ACTN2: variants seen among roughly 807,000 people sequenced by gnomAD.
ACTN2 encodes alpha-actinin-2.
A neutral mutation model predicts 113.8 loss-of-function variants in ACTN2; 39 were observed. That is an observed-to-expected ratio of 0.34 (90% CI 0.27 to 0.45). The LOEUF (loss-of-function observed/expected upper bound fraction) is 0.45, where lower values mean the gene tolerates loss of function less well. ACTN2 is among the 20% of genes least tolerant of loss of function. ACTN2 has a pLI of 1.00. For synonymous variants in ACTN2, 429 were observed against 444.1 expected, an observed-to-expected ratio of 0.97 and a Z score of 0.43; for missense variants, 992 against 1,177.9, an observed-to-expected ratio of 0.84 and a Z score of 2.31.
intron 1 of ACTN2, among the ~76,000 whole-genome samples, chr1:236,711,233 A>G (rs897506934): frequency 3.9e-5 from 6 of 152,272 alleles, no homozygotes; most frequent in Admixed American, 3.3e-4. Flanking sequence ...TGTCTAAGGA[A>G]TATACATAGT....
At chr1:236,723,347 A>G (rs930859201) in intron 4 of ACTN2, among the ~76,000 whole-genome samples, 1 of 152,344 alleles carries the variant, frequency 6.6e-6, no homozygotes, top group Non-Finnish European at 1.5e-5. Context: ...TAATTAAAAG[A>G]CATGCACAGG....
chr1:236,704,771 T>C (rs1054620456), intron 1 of ACTN2, among the ~76,000 whole-genome samples: 1 of 152,120 alleles, frequency 6.6e-6, no homozygotes, highest in Non-Finnish European at 1.5e-5. Flanking sequence ...CTCTCCAAAC[T>C]CCATCCTCGT....
intron 14 of ACTN2, among the ~76,000 whole-genome samples, chr1:236,750,489 ACT>A (rs1310806021): frequency 2.0e-5 from 3 of 152,096 alleles, no homozygotes; most frequent in Non-Finnish European, 2.9e-5. Flanking sequence ...TGGAAGTCAC[ACT>A]CTTTGTCAAA....
intron 18 of ACTN2, among the ~76,000 whole-genome samples, chr1:236,757,885 A>G (rs1338556471): frequency 2.0e-5 from 3 of 152,202 alleles, no homozygotes; most frequent in Non-Finnish European, 4.4e-5. Context: ...AGTTGACATC[A>G]AAGCTGATTT....
chr1:236,707,485 A>G (rs753207402), intron 1 of ACTN2, among the ~76,000 whole-genome samples: 8 of 152,112 alleles, frequency 5.3e-5, no homozygotes, highest in Non-Finnish European at 8.8e-5. Context: ...CCTGAGTAAG[A>G]TTTTAGAATG....
At chr1:236,707,970 C>A (rs553111244) in intron 1 of ACTN2, among the ~76,000 whole-genome samples, 6 of 152,132 alleles carry the variant, frequency 3.9e-5, no homozygotes, top group African/African-American at 1.4e-4. Flanking sequence ...CTCGGCCTCT[C>A]AAAGTGCTGG....
In ACTN2 at chr1:236,720,235, G is replaced by A. The variant is rs1383075527; in HGVS notation, c.448+44G>A. 1.5e-5 allele frequency: 22 copies of A among 1,457,768 alleles called. No homozygotes were observed. In the East Asian group the frequency reaches 4.8e-4, roughly 32 times the overall value. The allele number at this position is 1,457,768 out of a possible 1,614,324, so 90.3% of individuals were successfully genotyped here. A position where few individuals can be genotyped will look rare whatever the true frequency, so the allele number is the denominator to read the frequency against. On this transcript the variant is annotated intron_variant, in intron 4 of 20. Transcript: ENST00000366578. ...AGTCTAATTGTATAATCTGTAAATT[G>A]AGCTTGTGAATTAAAATTTGAGCAA...
Position 236,735,683 on chromosome 1 carries a change from T to C in ACTN2, c.746T>C (p.Val249Ala), listed in dbSNP as rs1413199025. 6.2e-7 allele frequency: 1 copy of C among 1,614,090 alleles called. No homozygotes were observed. The highest frequency in any genetic ancestry group is 8.5e-7 in the Non-Finnish European group (1 of 1,180,048). The part of the protein sequence containing the change: ...KPDERAIMTY[V>A]SCFYHAFAGA... ...GATGAAAGAGCCATCATGACGTACGTCTCTTGCTTCTACCACGCTTTTGCG... is the reference window on the plus strand; with the variant it reads ...GATGAAAGAGCCATCATGACGTACGCCTCTTGCTTCTACCACGCTTTTGCG... The change falls in exon 8 of 21, where the codon GTC becomes GCC. Residue 249 changes from valine to alanine, a missense_variant. Transcript: ENST00000366578.
intron 7 of ACTN2, among the ~76,000 whole-genome samples, chr1:236,735,315 C>T (rs1234159811): frequency 1.3e-5 from 2 of 152,150 alleles, no homozygotes; most frequent in Non-Finnish European, 2.9e-5. Context: ...GAAGGGGTAA[C>T]AAGCTCTGAT....
intron 19 of ACTN2, among the ~76,000 whole-genome samples, chr1:236,760,517 TC>T (rs1659674944): frequency 2.0e-5 from 3 of 152,194 alleles, no homozygotes; most frequent in African/African-American, 7.2e-5. Context: ...AACTTACATT[TC>T]CCTGTGGGCT....
chr1:236,753,844 T>G, intron 15 of ACTN2, 103 bp from the exon 16 acceptor site: 2 of 1,301,446 alleles, frequency 1.5e-6, no homozygotes, highest in Admixed American at 1.8e-5. Context: ...CGTTTCTCCT[T>G]CTCCACTCCC....
At position 236,730,935 on chromosome 1, in the gene ACTN2, C is replaced by T. The variant is rs559957275; in HGVS notation, c.616-298C>T. Among the ~76,000 whole-genome samples the T allele has an allele frequency of 2.0e-5, 3 of 152,306 alleles. No individual in the cohort carries two copies. In the South Asian group the frequency reaches 6.2e-4, roughly 32 times the overall value. ...GAATGATTTAAATGTTATTTCTAGG[C>T]CTGAAGATCAGTTCTGATGGATTCA... On this transcript the variant is annotated intron_variant, in intron 6 of 20. Coordinates refer to ENST00000366578, the MANE Select transcript of ACTN2 (RefSeq NM_001103.4).
rs773915011 is a variant in ACTN2 at position 236,751,520 on chromosome 1, C to T, written c.1707C>T (p.Asp569=). The T allele has an allele frequency of 1.5e-5, 24 of 1,614,054 alleles. No homozygotes were observed. Among genetic ancestry groups the T allele is most frequent in the South Asian group, 2.2e-5 (2 of 91,078 alleles). Residue 569 remains aspartate (D), a synonymous_variant, in exon 15 of 21, where the codon GAC becomes GAT. Transcript: ENST00000366578. The part of the protein sequence containing the change: ...EQFKATLPEA[D]GERQSIMAIQ... Reference sequence around the variant, plus strand: ...TCAAGGCCACGCTGCCCGAGGCGGACGGAGAGCGGCAGTCCATCATGGCCA... The same window carrying T: ...TCAAGGCCACGCTGCCCGAGGCGGATGGAGAGCGGCAGTCCATCATGGCCA...
At chr1:236,707,468 C>T (rs767927942) in intron 1 of ACTN2, among the ~76,000 whole-genome samples, 7 of 152,128 alleles carry the variant, frequency 4.6e-5, no homozygotes, top group African/African-American at 1.4e-4. Context: ...TGAGCAATCT[C>T]GCCCTACCTG....
chr1:236,742,543 A>C (rs1426264315), intron 10 of ACTN2, among the ~76,000 whole-genome samples: 1 of 152,044 alleles, frequency 6.6e-6, no homozygotes, highest in African/African-American at 2.4e-5. Flanking sequence ...TTTAAAAAAA[A>C]ACAAAACAAT....
chr1:236,733,436 C>T (rs935808709), intron 7 of ACTN2, among the ~76,000 whole-genome samples: 2 of 152,224 alleles, frequency 1.3e-5, no homozygotes, highest in African/African-American at 2.4e-5. Flanking sequence ...GTCCATTCTG[C>T]TCATCCTTCC....
At chr1:236,720,019 C>A in intron 3 of ACTN2, 86 bp from the exon 4 acceptor site, 1 of 893,616 alleles carries the variant, frequency 1.1e-6, no homozygotes, top group Non-Finnish European at 1.9e-6. Flanking sequence ...TTTCCAATAG[C>A]TCTGAAGTCA....
At chr1:236,705,214 A>G (rs1458201786) in intron 1 of ACTN2, among the ~76,000 whole-genome samples, 1 of 152,100 alleles carries the variant, frequency 6.6e-6, no homozygotes, top group Non-Finnish European at 1.5e-5. Context: ...ATAAATATAT[A>G]TATATAAAAA....
At chr1:236,716,974 A>G (rs1276818977) in intron 1 of ACTN2, among the ~76,000 whole-genome samples, 1 of 151,332 alleles carries the variant, frequency 6.6e-6, no homozygotes, top group East Asian at 2.0e-4. Flanking sequence ...AGCTGGGACT[A>G]CAGGCACACG....
Sources: allele counts gnomAD v4.1 joint callset (sites outside exome capture counted in the v4.1 genomes callset), GRCh38; gene constraint gnomAD v4.1.1; transcripts MANE v1.5; gene names NCBI Gene and HGNC (gene_info 2026-07-23, HGNC 2026-07-21).